RAB6A: variants seen among roughly 807,000 people sequenced by gnomAD.
The protein encoded by RAB6A is RAB6A, member RAS oncogene family, also known as ras-related protein Rab-6A.
Under a neutral mutation model 32.3 loss-of-function variants are expected in RAB6A, and 8 were observed. That is an observed-to-expected ratio of 0.25 (90% CI 0.15 to 0.45). The LOEUF is 0.45. RAB6A is among the 20% of genes least tolerant of loss of function. The pLI, the probability that RAB6A is intolerant of heterozygous loss-of-function variation, is 1.00. For synonymous variants in RAB6A, 73 were observed against 82.1 expected, an observed-to-expected ratio of 0.89 and a Z score of 0.60; for missense variants, 104 against 249.4, an observed-to-expected ratio of 0.42 and a Z score of 3.93.
intron 1 of RAB6A, among the ~76,000 whole-genome samples, chr11:73,746,490 A>G (rs1373638401): frequency 6.6e-6 from 1 of 152,106 alleles, no homozygotes; most frequent in East Asian, 1.9e-4. Flanking sequence ...CCTAGGTGAC[A>G]GAGTGAGACT....
chr11:73,754,936 T>TA (rs1250681469), intron 1 of RAB6A, among the ~76,000 whole-genome samples: 16 of 152,080 alleles, frequency 1.1e-4, no homozygotes, highest in African/African-American at 3.6e-4. Context: ...TTATTATTAT[T>TA]TTTTTGAGAT....
At chr11:73,739,282 A>AAAAAAAAAAAAAAAAT (rs1565374076) in intron 1 of RAB6A, among the ~76,000 whole-genome samples, 1 of 15,332 alleles carries the variant, frequency 6.5e-5, no homozygotes, top group Non-Finnish European at 1.6e-4. Flanking sequence ...AAAAAAAAAA[A>AAAAAAAAAAAAAAAAT]AAATATATAT....
rs1044225263 is a variant in RAB6A at position 73,719,498 on chromosome 11, T to C, written c.184-780A>G. On this transcript the variant is annotated intron_variant, in intron 3 of 7. Coordinates refer to ENST00000336083, the MANE Select transcript of RAB6A (RefSeq NM_198896.2). ...ATGTAACAAAAAGGAGGAAGATCTTTTTGCAGCCCTACATAAAAATGTCTT... is the reference window on the plus strand; with the variant it reads ...ATGTAACAAAAAGGAGGAAGATCTTCTTGCAGCCCTACATAAAAATGTCTT... 3.3e-5 allele frequency among the ~76,000 whole-genome samples: 5 copies of C among 152,264 alleles called. No individual in the cohort carries two copies. In the South Asian group the frequency reaches 1.0e-3, roughly 32 times the overall value.
At position 73,679,733 on chromosome 11, in the gene RAB6A, G is replaced by C. The variant is rs200525304; in HGVS notation, c.496-13C>G. ...CACGTCGAAAGAGCTGTGGGAAAGA[G>C]AGAAAAGTGATAACTGAGAGGGAAC... is the stretch of plus-strand genomic sequence containing the variant. On this transcript the variant is annotated splice_polypyrimidine_tract_variant and intron_variant, in intron 6 of 7. Transcript: ENST00000336083. 1,664 of 1,613,828 alleles carry C rather than the reference G, an allele frequency of 1.0e-3. 2 individuals are homozygous for C. The highest frequency in any genetic ancestry group is 2.2e-3 in the Admixed American group (131 of 60,018).
chr11:73,718,574 T>A (rs1323632852), intron 4 of RAB6A, 39 bp downstream of exon 4: 3 of 1,521,140 alleles, frequency 2.0e-6, no homozygotes, highest in East Asian at 2.3e-5. Context: ...AAGCTAAAGG[T>A]TGAAAGAAGA....
chr11:73,746,961 A>G (rs377651974), intron 1 of RAB6A, among the ~76,000 whole-genome samples: 7 of 152,088 alleles, frequency 4.6e-5, no homozygotes, highest in African/African-American at 1.7e-4. Flanking sequence ...TTTGAGACGG[A>G]GTCTCGCTCT....
intron 1 of RAB6A, among the ~76,000 whole-genome samples, chr11:73,745,326 C>A (rs1377620056): frequency 6.6e-6 from 1 of 152,156 alleles, no homozygotes; most frequent in Non-Finnish European, 1.5e-5. Context: ...AGAAACTTCA[C>A]CAAGTAGACT....
chr11:73,743,145 C>T (rs965690447), intron 1 of RAB6A, among the ~76,000 whole-genome samples: 11 of 151,418 alleles, frequency 7.3e-5, no homozygotes, highest in Non-Finnish European at 1.6e-4. Flanking sequence ...AAAATACACA[C>T]ACAAAAAAAA....
chr11:73,757,239 G>A (rs1406567817), intron 1 of RAB6A, among the ~76,000 whole-genome samples: 1 of 136,132 alleles, frequency 7.3e-6, no homozygotes. Context: ...CGCCTCTCAG[G>A]TTCAAGCGAT....
At chr11:73,718,781 C>G (rs1341912990) in intron 3 of RAB6A, 63 bp from the exon 4 acceptor site, 1 of 1,613,984 alleles carries the variant, frequency 6.2e-7, no homozygotes, top group Non-Finnish European at 8.5e-7. Context: ...TGCAATATAC[C>G]TACTTGTGAT....
At position 73,691,614 on chromosome 11, in the gene RAB6A, A is replaced by G. The variant is rs117135321; in HGVS notation, c.496-11894T>C. Among the ~76,000 whole-genome samples, 32 of 152,288 alleles carry G rather than the reference A, an allele frequency of 2.1e-4. No individual in the cohort carries two copies. In the East Asian group the frequency reaches 6.2e-3, roughly 29 times the overall value. ...TCCCAGTATCTGACATGCAGTAGAT[A>G]TTTTTCAAAATGTTAGCTAAAACAA... is the stretch of plus-strand genomic sequence containing the variant. On this transcript the variant is annotated intron_variant, in intron 6 of 7. Transcript: ENST00000336083.
chr11:73,702,127 C>A (rs551671455), intron 6 of RAB6A, among the ~76,000 whole-genome samples: 1 of 152,264 alleles, frequency 6.6e-6, no homozygotes, highest in African/African-American at 2.4e-5. Context: ...TCTCAGTTAT[C>A]GACAGAACTG....
At chr11:73,746,679 GC>G in intron 1 of RAB6A, among the ~76,000 whole-genome samples, 1 of 151,758 alleles carries the variant, frequency 6.6e-6, no homozygotes, top group African/African-American at 2.4e-5. Context: ...GATTGCCTAA[GC>G]CCAGGAGACT....
At chr11:73,732,590 A>T (rs1946332749) in intron 1 of RAB6A, among the ~76,000 whole-genome samples, 2 of 151,974 alleles carry the variant, frequency 1.3e-5, no homozygotes, top group South Asian at 4.2e-4. Flanking sequence ...TGTCTCAAAA[A>T]ATATATATAA....
chr11:73,753,090 A>T (rs141953781), intron 1 of RAB6A, among the ~76,000 whole-genome samples: 9 of 152,016 alleles, frequency 5.9e-5, no homozygotes, highest in South Asian at 2.1e-4. Flanking sequence ...TGCTAAAAAA[A>T]TTTTTTTTAA....
intron 6 of RAB6A, among the ~76,000 whole-genome samples, chr11:73,703,674 G>A (rs867096068): frequency 2.2e-4 from 33 of 151,804 alleles, no homozygotes; most frequent in African/African-American, 5.1e-4. Context: ...CCAGGGAGGC[G>A]GAGGTTGCAG....
intron 2 of RAB6A, among the ~76,000 whole-genome samples, chr11:73,727,224 A>G (rs976906050): frequency 6.6e-6 from 1 of 152,014 alleles, no homozygotes; most frequent in African/African-American, 2.4e-5. Context: ...GCCTGAGTAC[A>G]AGACTTAGGC....
intron 5 of RAB6A, among the ~76,000 whole-genome samples, chr11:73,712,415 A>G (rs1590852752): frequency 6.6e-6 from 1 of 151,954 alleles, no homozygotes; most frequent in Non-Finnish European, 1.5e-5. Context: ...CAGTGGCACA[A>G]TCACAGCTCA....
rs1045811747 is a variant in RAB6A at position 73,682,336 on chromosome 11, T to C, written c.496-2616A>G. ...ATTCTAAGAGTGAATGCTGCAACAA[T>C]TAATGACTGTGAAAGCTGTTAATTT... is the stretch of plus-strand genomic sequence containing the variant. On this transcript the variant is annotated intron_variant, in intron 6 of 7. Coordinates refer to ENST00000336083, the MANE Select transcript of RAB6A (RefSeq NM_198896.2). Among the ~76,000 whole-genome samples, 7 of 152,170 alleles carry C rather than the reference T, an allele frequency of 4.6e-5. No homozygotes were observed. The South Asian group carries it at 1.5e-3, about 32-fold the overall frequency.
Sources: gnomAD v4.1 joint callset for allele counts (sites outside exome capture counted in the v4.1 genomes callset) on GRCh38, gnomAD v4.1.1 for gene constraint, MANE v1.5 for transcripts, NCBI Gene and HGNC (gene_info 2026-07-23, HGNC 2026-07-21) for gene names.